Variants in RAPGEF6 observed in about 807,000 individuals in gnomAD.
RAPGEF6 encodes the protein PDZ domain containing guanine nucleotide exchange factor (GEF) 2.
RAPGEF6 carries 56 observed loss-of-function variants against 171.4 expected under a neutral mutation model. The observed-to-expected ratio is 0.33, with a 90% CI of 0.26 to 0.41. The LOEUF is 0.41. Among genes scored for constraint, RAPGEF6 ranks in the 10% least tolerant of loss-of-function variants. The pLI, the probability that RAPGEF6 is intolerant of heterozygous loss-of-function variation, is 1.00. For synonymous variants in RAPGEF6, 692 were observed against 650.1 expected (o/e 1.06, Z -0.98); for missense variants, 1,674 against 1,921.4 (o/e 0.87, Z 2.41).
At chr5:131,581,866 C>G (rs190421771) in intron 4 of RAPGEF6, among the ~76,000 whole-genome samples, 4 of 152,250 alleles carry the variant, frequency 2.6e-5, no homozygotes, top group Admixed American at 2.0e-4. Flanking sequence ...TTCCTCCCCA[C>G]CAACCCTTGT....
chr5:131,482,631 T>C (rs1276287804), intron 15 of RAPGEF6, among the ~76,000 whole-genome samples: 1 of 152,166 alleles, frequency 6.6e-6, no homozygotes, highest in Non-Finnish European at 1.5e-5. Context: ...AATTCAGACA[T>C]TCATTCAAAA....
intron 5 of RAPGEF6, among the ~76,000 whole-genome samples, chr5:131,555,581 CAATT>C (rs1761184473): frequency 6.6e-6 from 1 of 151,704 alleles, no homozygotes; most frequent in Non-Finnish European, 1.5e-5. Flanking sequence ...TTATAAATTT[CAATT>C]ATTTCCAATT....
chr5:131,510,496 G>A lies in RAPGEF6; in HGVS notation c.628-5C>T, dbSNP rs764431650. 1 of 1,607,734 alleles carries A rather than the reference G, an allele frequency of 6.2e-7. No homozygotes were observed. The highest frequency in any genetic ancestry group is 1.1e-5 in the South Asian group (1 of 89,608). ...TCCTACCTCACTCTCCGTAGCCTAT[G>A]AAAAGAAATCTTGATCACTTACCAT... is the stretch of plus-strand genomic sequence containing the variant. On this transcript the variant is annotated splice_region_variant and splice_polypyrimidine_tract_variant and intron_variant, in intron 7 of 27. Transcript: ENST00000509018.
At chr5:131,568,518 C>T (rs1259827396) in intron 4 of RAPGEF6, among the ~76,000 whole-genome samples, 1 of 151,990 alleles carries the variant, frequency 6.6e-6, no homozygotes, top group Non-Finnish European at 1.5e-5. Context: ...AGGGGTCTCC[C>T]TATGTTGACA....
intron 6 of RAPGEF6, among the ~76,000 whole-genome samples, chr5:131,522,494 T>C (rs190585351): frequency 6.6e-6 from 1 of 152,346 alleles, no homozygotes; most frequent in East Asian, 1.9e-4. Flanking sequence ...ATTAAATGTA[T>C]TCTGAGGGAA....
At chr5:131,581,004 C>A (rs938051468) in intron 4 of RAPGEF6, among the ~76,000 whole-genome samples, 1 of 152,174 alleles carries the variant, frequency 6.6e-6, no homozygotes, top group African/African-American at 2.4e-5. Context: ...TTTCTGCCTC[C>A]ACTACCAGAC....
In RAPGEF6 at chr5:131,508,577, TAAACA is replaced by T. The variant is rs60028234; in HGVS notation, c.806-375_806-371del. Among the ~76,000 whole-genome samples the T allele has an allele frequency of 1.4e-3, 210 of 152,298 alleles. 1 individual carries two copies. The highest frequency in any genetic ancestry group is 4.9e-3 in the African/African-American group (204 of 41,564). ...AAAAAGTCTTTTGTCTAGTTCTTAC[TAAACA>T]AAAGTATTTAAAAATGCCATTAATA... is the stretch of plus-strand genomic sequence containing the variant. On this transcript the variant is annotated intron_variant, in intron 8 of 27. Transcript: ENST00000509018.
intron 11 of RAPGEF6, among the ~76,000 whole-genome samples, chr5:131,500,761 C>T (rs1756965033): frequency 6.6e-6 from 1 of 152,114 alleles, no homozygotes; most frequent in Admixed American, 6.5e-5. Flanking sequence ...CATGCTGAAA[C>T]TATCGCCTTG....
chr5:131,583,025 C>T (rs1041623284), intron 4 of RAPGEF6, among the ~76,000 whole-genome samples: 1 of 152,130 alleles, frequency 6.6e-6, no homozygotes, highest in African/African-American at 2.4e-5. Flanking sequence ...AGTATATGAC[C>T]ATATACCTTG....
At chr5:131,581,573 G>A (rs142151852) in intron 4 of RAPGEF6, among the ~76,000 whole-genome samples, 75 of 151,804 alleles carry the variant, frequency 4.9e-4, no homozygotes, top group Middle Eastern at 3.4e-3. Flanking sequence ...TTCCCGTGCC[G>A]CCCCTAATCC....
intron 12 of RAPGEF6, among the ~76,000 whole-genome samples, chr5:131,495,909 A>G (rs560500191): frequency 6.6e-6 from 1 of 152,262 alleles, no homozygotes; most frequent in African/African-American, 2.4e-5. Flanking sequence ...TTAAGATAAA[A>G]GAAGTACACA....
At chr5:131,472,069 C>A in intron 17 of RAPGEF6, 1 of 149,682 alleles carries the variant, frequency 6.7e-6, no homozygotes, top group Admixed American at 6.3e-5. Context: ...TCTCTTTTTT[C>A]TTTTCTTTTT....
At chr5:131,463,991 C>T (rs750505079) in intron 18 of RAPGEF6, 50 bp downstream of exon 18, 3 of 1,513,832 alleles carry the variant, frequency 2.0e-6, no homozygotes, top group Non-Finnish European at 2.7e-6. Context: ...AACAGGAAAT[C>T]TTCAAAAGCA....
intron 3 of RAPGEF6, among the ~76,000 whole-genome samples, chr5:131,600,803 G>T (rs563361444): frequency 6.6e-6 from 1 of 152,040 alleles, no homozygotes; most frequent in East Asian, 1.9e-4. Context: ...ATCTATATTT[G>T]AGACAGAAAA....
rs1447086579 is a variant in RAPGEF6, at chr5:131,439,573, T to C, written c.3745+8A>G. The C allele has an allele frequency of 1.2e-6, 2 of 1,603,196 alleles. No individual in the cohort carries two copies. The highest frequency in any genetic ancestry group is 2.7e-5 in the African/African-American group (2 of 74,634). ...TAACAAGAACTAGTTTGAAATGTTT[T>C]GTCTTACCTTTGTGAGGGGAGCCTT... On this transcript the variant is annotated splice_region_variant and intron_variant, in intron 24 of 27. Transcript: ENST00000509018.
intron 7 of RAPGEF6, chr5:131,511,316 AG>A (rs1757705645): frequency 6.6e-6 from 1 of 152,136 alleles, no homozygotes; most frequent in African/African-American, 2.4e-5. Flanking sequence ...TTAATGAAAA[AG>A]CATGGGTATT....
intron 1 of RAPGEF6, among the ~76,000 whole-genome samples, chr5:131,632,695 A>T: frequency 6.6e-6 from 1 of 152,248 alleles, no homozygotes; most frequent in East Asian, 1.9e-4. Context: ...TATTCATAAT[A>T]GACCCTTGGG....
intron 4 of RAPGEF6, among the ~76,000 whole-genome samples, chr5:131,568,238 TC>T (rs1429890327): frequency 1.3e-5 from 2 of 152,252 alleles, no homozygotes; most frequent in Non-Finnish European, 2.9e-5. Flanking sequence ...TCTGTTTTGT[TC>T]CTCTGTTCTT....
chr5:131,578,526 A>C (rs1013573368), intron 4 of RAPGEF6, among the ~76,000 whole-genome samples: 8 of 152,102 alleles, frequency 5.3e-5, no homozygotes, highest in Non-Finnish European at 1.0e-4. Flanking sequence ...AAGCTGCCAC[A>C]CTACTCCGCA....
Sources: allele counts gnomAD v4.1 joint callset (sites outside exome capture counted in the v4.1 genomes callset), GRCh38; gene constraint gnomAD v4.1.1; transcripts MANE v1.5; gene names NCBI Gene and HGNC (gene_info 2026-07-23, HGNC 2026-07-21).